Variants in EMID1 observed in about 807,000 individuals in gnomAD.
The protein encoded by EMID1 is EMI domain-containing protein 1.
A neutral mutation model predicts 60.6 loss-of-function variants in EMID1; 40 were observed. The ratio of observed to expected loss-of-function variants is 0.66; its 90% CI spans 0.51 to 0.86. The LOEUF is 0.86. EMID1 is among the 40% of genes least tolerant of loss of function. The pLI, the probability that EMID1 is intolerant of heterozygous loss-of-function variation, is 0.00. For missense variants in EMID1, 585 were observed against 597.1 expected, an observed-to-expected ratio of 0.98 and a Z score of 0.21; for synonymous variants, 242 against 231.0, an observed-to-expected ratio of 1.05 and a Z score of -0.43.
intron 5 of EMID1, among the ~76,000 whole-genome samples, chr22:29,229,419 G>A (rs541347892): frequency 6.6e-6 from 1 of 152,082 alleles, no homozygotes; most frequent in South Asian, 2.1e-4. Flanking sequence ...TGAGGCGGGC[G>A]GATCACATGA....
chr22:29,218,221 C>T (rs557507319), intron 3 of EMID1, among the ~76,000 whole-genome samples: 2 of 152,386 alleles, frequency 1.3e-5, no homozygotes, highest in East Asian at 3.9e-4. Flanking sequence ...CACAGCCCTG[C>T]CTCCCGCCTC....
chr22:29,216,194 C>A, intron 3 of EMID1: 1 of 532,154 alleles, frequency 1.9e-6, no homozygotes, highest in Non-Finnish European at 2.4e-6. Flanking sequence ...TCTCACCCCA[C>A]CTGGCTTCAC....
chr22:29,226,810 T>A lies in EMID1; in HGVS notation c.465+259T>A, dbSNP rs965871587. Among the ~76,000 whole-genome samples, 8 of 152,108 alleles carry A rather than the reference T, an allele frequency of 5.3e-5. No individual in the cohort carries two copies. In the South Asian group the frequency reaches 1.7e-3, roughly 32 times the overall value. On this transcript the variant is annotated intron_variant, in intron 5 of 14. Coordinates refer to ENST00000334018, the MANE Select transcript of EMID1 (RefSeq NM_133455.4). The stretch of plus-strand genomic sequence containing the variant: ...CTGTCAAGCGGAGGGGATACTAGCA[T>A]CCACTCAGGGAAAACTGTATATGTG...
At chr22:29,243,614 C>A in intron 13 of EMID1, 125 bp downstream of exon 13, 1 of 1,141,090 alleles carries the variant, frequency 8.8e-7, no homozygotes, top group Non-Finnish European at 1.3e-6. Context: ...ACAGCCTGGT[C>A]TCCCAGGCAG....
intron 3 of EMID1, among the ~76,000 whole-genome samples, chr22:29,223,260 C>T (rs375705836): frequency 2.0e-5 from 3 of 151,904 alleles, no homozygotes; most frequent in Admixed American, 6.6e-5. Context: ...GTTAATAACA[C>T]GCTAGAAGGT....
chr22:29,227,816 C>G (rs2040580294), intron 5 of EMID1, among the ~76,000 whole-genome samples: 1 of 151,390 alleles, frequency 6.6e-6, no homozygotes, highest in African/African-American at 2.4e-5. Context: ...GAGTTCAAGA[C>G]CAGCCTGGCT....
intron 12 of EMID1, among the ~76,000 whole-genome samples, chr22:29,236,180 A>T (rs1461858800): frequency 6.6e-6 from 1 of 152,076 alleles, no homozygotes; most frequent in African/African-American, 2.4e-5. Flanking sequence ...GATCACTTGA[A>T]ATCAGGAGTT....
chr22:29,215,078 G>A (rs2040033971), intron 2 of EMID1, 39 bp downstream of exon 2: 1 of 1,501,924 alleles, frequency 6.7e-7, no homozygotes, highest in South Asian at 1.3e-5. Flanking sequence ...CATTCCAGGT[G>A]GAGGCACAGT....
At chr22:29,218,004 T>C (rs1353958128) in intron 3 of EMID1, among the ~76,000 whole-genome samples, 1 of 152,206 alleles carries the variant, frequency 6.6e-6, no homozygotes, top group African/African-American at 2.4e-5. Flanking sequence ...CATTCTGGAA[T>C]CCAGCCCTAA....
intron 14 of EMID1, 33 bp from the exon 15 acceptor site, chr22:29,258,784 T>C (rs764774364): frequency 6.2e-7 from 1 of 1,612,224 alleles, no homozygotes. Flanking sequence ...TGAACCCCTC[T>C]AATGTGGCCT....
At chr22:29,216,105 C>A (rs2040072319) in intron 3 of EMID1, among the ~76,000 whole-genome samples, 1 of 152,172 alleles carries the variant, frequency 6.6e-6, no homozygotes, top group Admixed American at 6.5e-5. Flanking sequence ...ACTCCCCGCC[C>A]CCCCACCCCT....
rs1465916052 is a variant in EMID1 at position 29,259,184 on chromosome 22, C to T, written c.*240C>T. ...CCTCTGTGAAGTGGGGGGAGGCAGG[C>T]CTTCAAGGAGGGATAGAGGTACAAG... On this transcript the variant is annotated 3_prime_UTR_variant, in exon 15 of 15. Coordinates refer to ENST00000334018, the MANE Select transcript of EMID1 (RefSeq NM_133455.4). 1.7e-6 allele frequency: 1 copy of T among 588,634 alleles called. No individual in the cohort carries two copies. Among genetic ancestry groups the T allele is most frequent in the South Asian group, 2.3e-5 (1 of 43,998 alleles). The allele number at this position is 588,634 out of a possible 1,614,324, so 36.5% of individuals were successfully genotyped here.
At position 29,258,973 on chromosome 22, in the gene EMID1, G is replaced by A. The variant is rs747054864; in HGVS notation, c.*29G>A. The A allele has an allele frequency of 2.5e-6, 4 of 1,602,900 alleles. No homozygotes were observed. The highest frequency in any genetic ancestry group is 1.1e-5 in the South Asian group (1 of 89,824). ...TGGTGGCGGCCCCTGAGGCAGACCA[G>A]GCCAGGCTTCCCCTCCTACCTGGAC... On this transcript the variant is annotated 3_prime_UTR_variant, in exon 15 of 15. Transcript: ENST00000334018.
chr22:29,245,849 G>C (rs999722715), intron 13 of EMID1, among the ~76,000 whole-genome samples: 2 of 152,314 alleles, frequency 1.3e-5, no homozygotes, highest in Middle Eastern at 3.4e-3. Context: ...CCTTGGCAGA[G>C]CGGGAACTGG....
At chr22:29,215,195 C>G (rs900281473) in intron 2 of EMID1, 156 bp downstream of exon 2, 1 of 985,300 alleles carries the variant, frequency 1.0e-6, no homozygotes, top group Non-Finnish European at 1.2e-6. Flanking sequence ...CTCAGCCTAT[C>G]CCCTGTGCTG....
At chr22:29,230,998 C>G (rs1008333435) in intron 5 of EMID1, 22 bp from the exon 6 acceptor site, 56 of 1,607,200 alleles carry the variant, frequency 3.5e-5, no homozygotes, top group Admixed American at 6.8e-5. Flanking sequence ...GGTACCCACC[C>G]CGTCCCTGTC....
chr22:29,214,654 C>T (rs561170460), intron 1 of EMID1, among the ~76,000 whole-genome samples: 1 of 152,204 alleles, frequency 6.6e-6, no homozygotes, highest in East Asian at 1.9e-4. Flanking sequence ...GGGAAGATGG[C>T]CCGCTTCCAT....
chr22:29,214,826 G>A (rs2040022205), intron 1 of EMID1, 100 bp from the exon 2 acceptor site: 2 of 789,140 alleles, frequency 2.5e-6, no homozygotes, highest in East Asian at 5.6e-5. Context: ...GGGATTCAGG[G>A]CTCTTGAAGA....
At chr22:29,236,902 T>G (rs971987743) in intron 12 of EMID1, among the ~76,000 whole-genome samples, 7 of 151,220 alleles carry the variant, frequency 4.6e-5, no homozygotes, top group East Asian at 2.0e-4. Context: ...GATCAAGCAA[T>G]TCTCCTGCCT....
Sources: allele counts gnomAD v4.1 joint callset (sites outside exome capture counted in the v4.1 genomes callset), GRCh38; gene constraint gnomAD v4.1.1; transcripts MANE v1.5; gene names NCBI Gene and HGNC (gene_info 2026-07-23, HGNC 2026-07-21).